ARHGEF28: variants seen among roughly 807,000 people sequenced by gnomAD.
ARHGEF28 encodes Rho guanine nucleotide exchange factor 28, also known as 190 kDa guanine nucleotide exchange factor.
A neutral mutation model predicts 206.6 loss-of-function variants in ARHGEF28; 152 were observed. That is an observed-to-expected ratio of 0.74 (90% CI 0.64 to 0.84). The LOEUF (loss-of-function observed/expected upper bound fraction) is 0.84. ARHGEF28 is among the 40% of genes least tolerant of loss of function. The pLI is 0.00. For missense variants in ARHGEF28, 2,028 were observed against 2,073.2 expected, an observed-to-expected ratio of 0.98 and a Z score of 0.42; for synonymous variants, 763 against 776.4, an observed-to-expected ratio of 0.98 and a Z score of 0.29.
chr5:73,713,594 T>C (rs912088951), intron 2 of ARHGEF28, among the ~76,000 whole-genome samples: 2 of 152,312 alleles, frequency 1.3e-5, no homozygotes, highest in East Asian at 3.9e-4. Context: ...TCTTGACATG[T>C]TTGTGAATAT....
At chr5:73,884,110 C>T (rs1580047027) in intron 24 of ARHGEF28, among the ~76,000 whole-genome samples, 1 of 152,154 alleles carries the variant, frequency 6.6e-6, no homozygotes, top group African/African-American at 2.4e-5. Context: ...ACCAAGCTGG[C>T]TTCTTCTTAC....
intron 35 of ARHGEF28, chr5:73,923,039 A>T: frequency 1.3e-6 from 2 of 1,490,306 alleles, no homozygotes; most frequent in South Asian, 2.5e-5. Flanking sequence ...CCAAAATGTG[A>T]TGGTCTGTTA....
chr5:73,678,798 A>T (rs1345789276), intron 1 of ARHGEF28, among the ~76,000 whole-genome samples: 1 of 138,054 alleles, frequency 7.2e-6, no homozygotes, highest in Non-Finnish European at 1.5e-5. Context: ...TTATCAAGTT[A>T]AAAAAAAAAG....
At chr5:73,678,325 AAAAC>A (rs1298259213) in intron 1 of ARHGEF28, among the ~76,000 whole-genome samples, 1 of 152,158 alleles carries the variant, frequency 6.6e-6, no homozygotes, top group Non-Finnish European at 1.5e-5. Context: ...GTTGCTCTGA[AAAAC>A]AAAATTAATT....
intron 2 of ARHGEF28, among the ~76,000 whole-genome samples, chr5:73,732,586 A>G (rs557563471): frequency 4.7e-4 from 72 of 152,274 alleles, no homozygotes; most frequent in African/African-American, 1.7e-3. Flanking sequence ...TCCTTTTGGT[A>G]AATATTGAGG....
At chr5:73,758,749 C>T (rs1328400769) in intron 4 of ARHGEF28, among the ~76,000 whole-genome samples, 2 of 152,074 alleles carry the variant, frequency 1.3e-5, no homozygotes, top group Non-Finnish European at 2.9e-5. Context: ...GATGGGGTTT[C>T]ACTATGTTGG....
chr5:73,755,782 T>G (rs192984917), intron 4 of ARHGEF28, among the ~76,000 whole-genome samples: 10 of 152,320 alleles, frequency 6.6e-5, no homozygotes, highest in Admixed American at 5.9e-4. Flanking sequence ...TCGAGGGCCA[T>G]CCTATTGCCA....
At chr5:73,630,106 C>T (rs1743270532) in intron 1 of ARHGEF28, among the ~76,000 whole-genome samples, 2 of 152,152 alleles carry the variant, frequency 1.3e-5, no homozygotes, top group African/African-American at 4.8e-5. Flanking sequence ...AAAATATACA[C>T]TTGAAATGTT....
intron 1 of ARHGEF28, among the ~76,000 whole-genome samples, chr5:73,671,666 G>T (rs1221639952): frequency 7.4e-6 from 1 of 134,618 alleles, no homozygotes; most frequent in African/African-American, 2.7e-5. Flanking sequence ...AGAATTGTCA[G>T]TATCAGCTGG....
At chr5:73,892,605 T>C (rs1761714356) in intron 27 of ARHGEF28, among the ~76,000 whole-genome samples, 4 of 152,176 alleles carry the variant, frequency 2.6e-5, no homozygotes, top group Admixed American at 2.6e-4. Flanking sequence ...TATGTACATA[T>C]GTGTGTGTTT....
intron 1 of ARHGEF28, among the ~76,000 whole-genome samples, chr5:73,670,201 C>A (rs967409843): frequency 6.6e-6 from 1 of 152,118 alleles, no homozygotes; most frequent in Non-Finnish European, 1.5e-5. Flanking sequence ...TCTTCCGTAT[C>A]TATAAATTTT....
intron 2 of ARHGEF28, among the ~76,000 whole-genome samples, chr5:73,695,813 C>G (rs1442298150): frequency 1.3e-5 from 2 of 152,124 alleles, no homozygotes; most frequent in Non-Finnish European, 2.9e-5. Context: ...AAGACTTTAT[C>G]ATGTCTTTCA....
chr5:73,648,988 C>T (rs1190117627), intron 1 of ARHGEF28, among the ~76,000 whole-genome samples: 1 of 152,196 alleles, frequency 6.6e-6, no homozygotes, highest in Non-Finnish European at 1.5e-5. Flanking sequence ...ACTGCCATCA[C>T]CATGATAATG....
intron 9 of ARHGEF28, among the ~76,000 whole-genome samples, chr5:73,829,335 G>A (rs1757141694): frequency 6.6e-6 from 1 of 152,158 alleles, no homozygotes. Context: ...CAAAGAGTCA[G>A]AATCTAATTT....
intron 9 of ARHGEF28, among the ~76,000 whole-genome samples, chr5:73,822,560 A>C (rs529980201): frequency 6.6e-6 from 1 of 152,312 alleles, no homozygotes; most frequent in South Asian, 2.1e-4. Context: ...ATATCAGGAA[A>C]AATCCTAAGA....
rs150132583 is a variant in ARHGEF28, at chr5:73,678,906, G to T, written c.-11-5935G>T. Among the ~76,000 whole-genome samples the T allele has an allele frequency of 7.9e-5, 12 of 152,214 alleles. No homozygotes were observed. The East Asian group carries it at 2.3e-3, about 29-fold the overall frequency. On this transcript the variant is annotated intron_variant, in intron 1 of 35. Transcript: ENST00000513042. ...GTATATATATTTTGACTAGGGACAG[G>T]GTCTGGCTCTGTTGCTCAGACTGAA...
intron 2 of ARHGEF28, among the ~76,000 whole-genome samples, chr5:73,713,986 A>T (rs757372270): frequency 6.6e-6 from 1 of 152,200 alleles, no homozygotes; most frequent in Non-Finnish European, 1.5e-5. Context: ...GAGGCTAAAC[A>T]TATCTTGGAT....
intron 9 of ARHGEF28, among the ~76,000 whole-genome samples, chr5:73,805,892 A>G (rs553141669): frequency 6.6e-6 from 1 of 152,196 alleles, no homozygotes; most frequent in South Asian, 2.1e-4. Flanking sequence ...AGTGAGTTTT[A>G]TCTATCATAT....
chr5:73,782,382 GAGCTGAGATTGCGCCAC>G (rs1753901457), intron 7 of ARHGEF28, among the ~76,000 whole-genome samples: 1 of 152,134 alleles, frequency 6.6e-6, no homozygotes, highest in Admixed American at 6.5e-5. Flanking sequence ...AGGTTGCAGT[GAGCTGAGATTGCGCCAC>G]TGCATTCCAG....
Sources: allele counts gnomAD v4.1 joint callset (sites outside exome capture counted in the v4.1 genomes callset), GRCh38; gene constraint gnomAD v4.1.1; transcripts MANE v1.5; gene names NCBI Gene and HGNC (gene_info 2026-07-23, HGNC 2026-07-21).